The following C2orf76 variants were observed in gnomAD, a reference collection of about 807,000 sequenced individuals.
The protein encoded by C2orf76 is chromosome 2 open reading frame 76, also known as UPF0538 protein C2orf76.
A neutral mutation model predicts 16.9 loss-of-function variants in C2orf76; 23 were observed. The ratio of observed to expected loss-of-function variants is 1.36; its 90% confidence interval spans 0.98 to 1.93. The LOEUF (loss-of-function observed/expected upper bound fraction) is 1.93. Among genes scored for constraint, C2orf76 ranks in the 30% most tolerant of loss-of-function variants. The pLI is 0.00. For missense variants in C2orf76, 152 were observed against 152.6 expected (o/e 1.00, Z 0.02); for synonymous variants, 48 against 52.3 (o/e 0.92, Z 0.35).
At chr2:119,355,527 G>A (rs982124147) in intron 1 of C2orf76, among the ~76,000 whole-genome samples, 20 of 152,182 alleles carry the variant, frequency 1.3e-4, no homozygotes, top group African/African-American at 4.3e-4. Context: ...CACTGCACAT[G>A]CAGTAGCAAC....
intron 2 of C2orf76, among the ~76,000 whole-genome samples, chr2:119,338,466 T>G (rs978504836): frequency 2.6e-5 from 4 of 152,152 alleles, no homozygotes; most frequent in African/African-American, 9.7e-5. Context: ...TTCCTTTGTC[T>G]TGTCACTTCT....
intron 1 of C2orf76, among the ~76,000 whole-genome samples, chr2:119,351,810 T>C (rs1390125637): frequency 2.0e-5 from 3 of 152,012 alleles, no homozygotes; most frequent in South Asian, 4.2e-4. Flanking sequence ...TGGGAATGTA[T>C]TGAGTGACTC....
intron 1 of C2orf76, among the ~76,000 whole-genome samples, chr2:119,354,835 T>A (rs1680518525): frequency 6.6e-6 from 1 of 152,254 alleles, no homozygotes; most frequent in Admixed American, 6.5e-5. Flanking sequence ...AAGATAAATT[T>A]TAGCTAATCT....
chr2:119,308,362 C>T (rs891699841), intron 5 of C2orf76, among the ~76,000 whole-genome samples: 2 of 152,200 alleles, frequency 1.3e-5, no homozygotes, highest in East Asian at 1.9e-4. Context: ...ATAATGGGGT[C>T]GGGCACAGTG....
At chr2:119,341,137 A>G (rs556403565) in intron 1 of C2orf76, among the ~76,000 whole-genome samples, 1 of 152,132 alleles carries the variant, frequency 6.6e-6, no homozygotes, top group Non-Finnish European at 1.5e-5. Context: ...ATAGACTATT[A>G]TGCACAGCAG....
chr2:119,321,405 A>C (rs945735765), intron 2 of C2orf76, among the ~76,000 whole-genome samples: 11 of 152,132 alleles, frequency 7.2e-5, no homozygotes, highest in African/African-American at 2.7e-4. Flanking sequence ...AATACCCAAG[A>C]CTAGGTAATC....
At chr2:119,354,743 G>A (rs1278143214) in intron 1 of C2orf76, among the ~76,000 whole-genome samples, 4 of 152,104 alleles carry the variant, frequency 2.6e-5, no homozygotes, top group Non-Finnish European at 4.4e-5. Context: ...TGATTTCAAA[G>A]TCTTCAACCT....
intron 1 of C2orf76, among the ~76,000 whole-genome samples, chr2:119,348,889 A>C (rs2104625040): frequency 6.6e-6 from 1 of 152,292 alleles, no homozygotes; most frequent in Non-Finnish European, 1.5e-5. Flanking sequence ...TGCGGGGCTG[A>C]GGTGGGAGGA....
At chr2:119,366,308 A>C in intron 1 of C2orf76, 1 of 407,108 alleles carries the variant, frequency 2.5e-6, no homozygotes, top group Admixed American at 3.1e-5. Flanking sequence ...GTCCCGTCCA[A>C]GTTTGTTAAA....
the C2orf76 span, among the ~76,000 whole-genome samples, chr2:119,283,200 T>C: frequency 2.0e-5 from 3 of 152,210 alleles, no homozygotes; most frequent in Non-Finnish European, 2.9e-5. Flanking sequence ...CACCAAGGTG[T>C]AGCTCGGGGC....
At chr2:119,314,623 CAT>C (rs1573629410) in intron 4 of C2orf76, among the ~76,000 whole-genome samples, 1 of 152,110 alleles carries the variant, frequency 6.6e-6, no homozygotes, top group African/African-American at 2.4e-5. Context: ...CGTTTTATAA[CAT>C]GTCTTATATG....
chr2:119,337,282 G>C (rs1419617259), intron 2 of C2orf76, among the ~76,000 whole-genome samples: 1 of 148,658 alleles, frequency 6.7e-6, no homozygotes, highest in Admixed American at 6.6e-5. Flanking sequence ...TGTTGCCCTG[G>C]CTGGTCTCAA....
At chr2:119,342,327 T>G (rs966499255) in intron 1 of C2orf76, among the ~76,000 whole-genome samples, 1 of 152,126 alleles carries the variant, frequency 6.6e-6, no homozygotes, top group Non-Finnish European at 1.5e-5. Flanking sequence ...TAGGAGACAA[T>G]TGGCCAGGCG....
At chr2:119,347,088 G>A (rs1488640503) in intron 1 of C2orf76, among the ~76,000 whole-genome samples, 1 of 152,152 alleles carries the variant, frequency 6.6e-6, no homozygotes, top group Non-Finnish European at 1.5e-5. Context: ...AAGACTGACG[G>A]GGAACTTCAG....
chr2:119,333,422 C>T (rs1679738505), intron 2 of C2orf76, among the ~76,000 whole-genome samples: 1 of 152,236 alleles, frequency 6.6e-6, no homozygotes, highest in Non-Finnish European at 1.5e-5. Context: ...ATTAGAAAGA[C>T]ACTTTAACAT....
At chr2:119,343,648 G>A (rs1460155457) in intron 1 of C2orf76, among the ~76,000 whole-genome samples, 2 of 152,088 alleles carry the variant, frequency 1.3e-5, no homozygotes, top group African/African-American at 4.8e-5. Context: ...GCTGTTCCAT[G>A]TTAGCCGGGC....
At chr2:119,333,189 C>T (rs1679731904) in intron 2 of C2orf76, among the ~76,000 whole-genome samples, 1 of 152,172 alleles carries the variant, frequency 6.6e-6, no homozygotes, top group Non-Finnish European at 1.5e-5. Context: ...GACTGTGCTG[C>T]AGCCACATTA....
At chr2:119,317,385 C>A in intron 4 of C2orf76, 81 bp downstream of exon 4, 1 of 988,008 alleles carries the variant, frequency 1.0e-6, no homozygotes, top group South Asian at 1.9e-5. Context: ...TTTAGATGTA[C>A]ATGTATTCAT....
At chr2:119,325,367 T>C (rs761224550) in intron 2 of C2orf76, among the ~76,000 whole-genome samples, 2 of 142,264 alleles carry the variant, frequency 1.4e-5, no homozygotes, top group African/African-American at 2.7e-5. Flanking sequence ...GGCTGAGACA[T>C]GAGAATCGCT....
Sources: allele counts gnomAD v4.1 joint callset (sites outside exome capture counted in the v4.1 genomes callset), GRCh38; gene constraint gnomAD v4.1.1; transcripts MANE v1.5; gene names NCBI Gene and HGNC (gene_info 2026-07-23, HGNC 2026-07-21).